Variants in MMP27 observed in about 807,000 individuals in gnomAD.
MMP27 encodes the protein matrix metallopeptidase 27.
In MMP27, 51 loss-of-function variants were observed where a neutral mutation model predicts 48.1. That is an observed-to-expected ratio of 1.06 (90% confidence interval 0.85 to 1.34). MMP27 has a LOEUF of 1.34. Among genes scored for constraint, MMP27 ranks in the 40% most tolerant of loss-of-function variants. The pLI is 0.00. For missense variants in MMP27, 698 were observed against 619.3 expected, an observed-to-expected ratio of 1.13 and a Z score of -1.35; for synonymous variants, 229 against 208.9, an observed-to-expected ratio of 1.10 and a Z score of -0.83.
At chr11:102,703,236 G>A (rs1297498516) in intron 2 of MMP27, 118 bp from the exon 3 acceptor site, 3 of 884,738 alleles carry the variant, frequency 3.4e-6, no homozygotes, top group Non-Finnish European at 5.1e-6. Flanking sequence ...TTGGTGTGGT[G>A]CAATTATCTT....
intron 8 of MMP27, 64 bp from the exon 9 acceptor site, chr11:102,693,105 C>G: frequency 7.8e-7 from 1 of 1,282,792 alleles, no homozygotes; most frequent in South Asian, 1.2e-5. Flanking sequence ...ATTTGTCTAC[C>G]GCACAACTTA....
At chr11:102,704,494 T>C (rs1403186576) in intron 2 of MMP27, 43 bp downstream of exon 2, 5 of 1,404,220 alleles carry the variant, frequency 3.6e-6, no homozygotes, top group Admixed American at 3.6e-5. Context: ...ATTATCTTTA[T>C]GTTCCTTTGG....
Position 102,704,737 on chromosome 11 carries a change from C to A in MMP27, c.141G>T (p.Gly47=). 2 of 1,613,160 alleles carry A rather than the reference C, an allele frequency of 1.2e-6. No individual in the cohort carries two copies. Among genetic ancestry groups the A allele is most frequent in the South Asian group, 1.1e-5 (1 of 91,024 alleles). ...LNQFYSLEIE[G]NHLVQSKNRS... is the part of the protein sequence containing the mutation. ...TATTCTTGCTTTGAACAAGATGATTCCCTTCTATTTCAAGAGAGTAGAACT... is the reference window on the plus strand; with the variant it reads ...TATTCTTGCTTTGAACAAGATGATTACCTTCTATTTCAAGAGAGTAGAACT... Residue 47 remains glycine, a synonymous_variant, in exon 2 of 10, where the codon GGG becomes GGT. Coordinates refer to ENST00000260229, the MANE Select transcript of MMP27 (RefSeq NM_022122.3).
At chr11:102,701,889 G>A (rs2701993) in intron 4 of MMP27, among the ~76,000 whole-genome samples, 81,724 of 152,014 alleles carry the variant, frequency 0.54, 22,182 homozygotes, top group Middle Eastern at 0.59. Context: ...ATACATGGTC[G>A]GGAATGATCT....
intron 9 of MMP27, among the ~76,000 whole-genome samples, chr11:102,692,424 A>T (rs761668302): frequency 1.2e-4 from 19 of 152,202 alleles, no homozygotes; most frequent in Admixed American, 1.0e-3. Context: ...TTGTAATAAT[A>T]GATCATGTCA....
intron 8 of MMP27, 123 bp downstream of exon 8, chr11:102,693,782 CT>C (rs1252446650): frequency 3.6e-5 from 30 of 833,932 alleles, no homozygotes; most frequent in Admixed American, 1.7e-4. Context: ...AAGACTCCAT[CT>C]CAAAAAAAAT....
At chr11:102,703,813 C>T (rs1384051907) in intron 2 of MMP27, among the ~76,000 whole-genome samples, 1 of 152,212 alleles carries the variant, frequency 6.6e-6, no homozygotes, top group African/African-American at 2.4e-5. Flanking sequence ...CATGAGCCAC[C>T]ACACCCAGTC....
intron 6 of MMP27, 142 bp downstream of exon 6, chr11:102,696,229 G>A (rs1358378116): frequency 2.2e-5 from 16 of 727,648 alleles, no homozygotes; most frequent in African/African-American, 1.6e-4. Flanking sequence ...ATATGGTAAA[G>A]CATTCAAACA....
At chr11:102,700,651 T>C (rs1459045347) in intron 4 of MMP27, among the ~76,000 whole-genome samples, 2 of 152,266 alleles carry the variant, frequency 1.3e-5, no homozygotes, top group African/African-American at 4.8e-5. Flanking sequence ...AACCAGTGTC[T>C]GCCAAACTAC....
At chr11:102,704,455 T>C in intron 2 of MMP27, 82 bp downstream of exon 2, 1 of 1,089,512 alleles carries the variant, frequency 9.2e-7, no homozygotes, top group Non-Finnish European at 1.4e-6. Context: ...GCTCAGTCAA[T>C]TGAATGAATA....
Position 102,702,979 on chromosome 11 carries a change from T to G in MMP27, c.481A>C (p.Arg161=). The part of the protein sequence containing the change: ...KGIADIMIAF[R]TRVHGRCPRY... ...CTGTTGAAAACCTTACCTCGAGTCC[T>G]AAAGGCAATCATGATGTCTGCAATC... Residue 161 remains arginine, a synonymous_variant, in exon 3 of 10, where the codon AGG becomes CGG. Transcript: ENST00000260229. 6.2e-7 allele frequency: 1 copy of G among 1,613,880 alleles called. No homozygotes were observed. The highest frequency in any genetic ancestry group is 8.5e-7 in the Non-Finnish European group (1 of 1,179,960).
At chr11:102,698,485 AG>A (rs1014387641) in intron 4 of MMP27, among the ~76,000 whole-genome samples, 7 of 149,526 alleles carry the variant, frequency 4.7e-5, no homozygotes, top group African/African-American at 1.7e-4. Context: ...AAAAAAAAAA[AG>A]AAGCCACCAG....
chr11:102,693,282 C>A (rs1357423061), intron 8 of MMP27, among the ~76,000 whole-genome samples: 5 of 152,124 alleles, frequency 3.3e-5, no homozygotes, highest in Non-Finnish European at 5.9e-5. Flanking sequence ...TGATGCTATT[C>A]AGAGAAATCG....
chr11:102,696,403 A>G lies in MMP27; in HGVS notation c.870T>C (p.Thr290=). ...DPDLTFDAIT[T]FRREVMFFKG... is the part of the protein sequence containing the mutation. ...TAAAGAACATTACTTCTCTGCGGAA[A>G]GTTGTGATAGCGTCAAAAGTCAAGT... Residue 290 remains threonine (T), a synonymous_variant, in exon 6 of 10, where the codon ACT becomes ACC. Transcript: ENST00000260229. 3.1e-6 allele frequency: 5 copies of G among 1,613,890 alleles called. No individual in the cohort carries two copies. Among genetic ancestry groups the G allele is most frequent in the Non-Finnish European group, 3.4e-6 (4 of 1,179,822 alleles).
In MMP27 at chr11:102,705,614, T is replaced by A. The variant is rs1398474688; in HGVS notation, c.101A>T (p.Gln34Leu). 6.5e-7 allele frequency: 1 copy of A among 1,541,184 alleles called. No individual in the cohort carries two copies. The highest frequency in any genetic ancestry group is 8.9e-7 in the Non-Finnish European group (1 of 1,127,850). The change falls in exon 1 of 10, where the codon CAG becomes CTG. Residue 34 changes from glutamine (Q) to leucine (L), a missense_variant and splice_region_variant. By Grantham distance (113) the Gln-to-Leu change is moderately radical. Coordinates refer to ENST00000260229, the MANE Select transcript of MMP27 (RefSeq NM_022122.3). ...TENEENMQLAQAYLNQFYSLE... is the reference protein window; with the variant it reads ...TENEENMQLALAYLNQFYSLE... ...CGATATCATTTATTAAGACAGTACC[T>A]GAGCCAGTTGCATATTTTCTTCATT...
In MMP27 at chr11:102,703,051, C is replaced by T; in HGVS notation, c.409G>A (p.Val137Met). The change falls in exon 3 of 10, where the codon GTG becomes ATG. Residue 137 changes from valine (V) to methionine (M), a missense_variant. Coordinates refer to ENST00000260229, the MANE Select transcript of MMP27 (RefSeq NM_022122.3). ...VDEAIQEGLE[V>M]WSKVTPLKFT... ...TTTAGTGGAGTGACTTTGCTCCACA[C>T]TTCTAAACCTTCTTGGATAGCCTCA... The T allele has an allele frequency of 6.2e-7, 1 of 1,614,150 alleles. No individual in the cohort carries two copies. The highest frequency in any genetic ancestry group is 8.5e-7 in the Non-Finnish European group (1 of 1,179,976).
chr11:102,693,053 A>C lies in MMP27; in HGVS notation c.1194-12T>G. The C allele has an allele frequency of 1.2e-6, 2 of 1,601,542 alleles. No homozygotes were observed. Among genetic ancestry groups the C allele is most frequent in the Non-Finnish European group, 1.7e-6 (2 of 1,169,278 alleles). ...TCATTTCATCAAACCTGCATACAAG[A>C]ATATGAAAGGATACCAGCGGATCTT... On this transcript the variant is annotated splice_polypyrimidine_tract_variant and intron_variant, in intron 8 of 9. Transcript: ENST00000260229.
Position 102,692,953 on chromosome 11 carries a change from C to T in MMP27, c.1282G>A (p.Ala428Thr). 1.2e-6 allele frequency: 2 copies of T among 1,613,292 alleles called. No homozygotes were observed. Among genetic ancestry groups the T allele is most frequent in the Middle Eastern group, 1.7e-4 (1 of 6,056 alleles). ...CCATGCTTACCTTTGTACTGGAAAG[C>T]AGCATCAACACGGATACTGATTCCA... ...FPGISIRVDA[A>T]FQYKGFFFFS... Residue 428 changes from alanine (A) to threonine (T), a missense_variant, in exon 9 of 10, where the codon GCT (alanine) becomes ACT (threonine). Coordinates refer to ENST00000260229, the MANE Select transcript of MMP27 (RefSeq NM_022122.3).
chr11:102,703,505 G>A (rs1860985691), intron 2 of MMP27, among the ~76,000 whole-genome samples: 3 of 151,708 alleles, frequency 2.0e-5, no homozygotes, highest in Admixed American at 2.0e-4. Context: ...AATCAGTCTT[G>A]TGCATGTACC....
Sources: allele counts gnomAD v4.1 joint callset (sites outside exome capture counted in the v4.1 genomes callset), GRCh38; gene constraint gnomAD v4.1.1; transcripts MANE v1.5; gene names NCBI Gene and HGNC (gene_info 2026-07-23, HGNC 2026-07-21).